Variants in HDAC4 observed in about 807,000 individuals in gnomAD.
HDAC4 encodes the protein histone deacetylase A.
In HDAC4, 16 loss-of-function variants were observed where a neutral mutation model predicts 135.1. The observed-to-expected ratio is 0.12, with a 90% CI of 0.08 to 0.18. The LOEUF (loss-of-function observed/expected upper bound fraction) is 0.18, where lower values mean the gene tolerates loss of function less well. Ranked by LOEUF, HDAC4 falls within the 10% of genes least tolerant of loss-of-function variation. HDAC4 has a pLI of 1.00. For synonymous variants in HDAC4, 685 were observed against 653.4 expected (o/e 1.05, Z -0.74); for missense variants, 1,143 against 1,511.8 (o/e 0.76, Z 4.05).
At chr2:239,153,287 G>C (rs2042224138) in intron 7 of HDAC4, among the ~76,000 whole-genome samples, 1 of 152,252 alleles carries the variant, frequency 6.6e-6, no homozygotes. Flanking sequence ...TTGCCCTTTA[G>C]AGATGCAGAA....
At chr2:239,385,868 C>T (rs531475569) in intron 1 of HDAC4, among the ~76,000 whole-genome samples, 35 of 152,292 alleles carry the variant, frequency 2.3e-4, no homozygotes, top group African/African-American at 7.9e-4. Flanking sequence ...CCCCGGAAAG[C>T]GGTCCAAGAC....
chr2:239,095,373 G>A (rs1426741026), intron 16 of HDAC4, among the ~76,000 whole-genome samples: 3 of 152,180 alleles, frequency 2.0e-5, no homozygotes, highest in East Asian at 1.9e-4. Context: ...CCTGGTGGGC[G>A]TCTGCCTGCA....
intron 6 of HDAC4, among the ~76,000 whole-genome samples, chr2:239,157,971 C>T (rs548204307): frequency 1.3e-5 from 2 of 152,316 alleles, no homozygotes; most frequent in East Asian, 3.9e-4. Context: ...CCAACCCCGC[C>T]CACTGCTCAG....
At chr2:239,345,756 ACCCC>A (rs199667023) in intron 2 of HDAC4, among the ~76,000 whole-genome samples, 2 of 147,952 alleles carry the variant, frequency 1.4e-5, no homozygotes, top group African/African-American at 5.1e-5. Flanking sequence ...AAACACACAC[ACCCC>A]CGTCTCACAC....
At chr2:239,387,777 G>A (rs977194135) in intron 1 of HDAC4, among the ~76,000 whole-genome samples, 4 of 152,148 alleles carry the variant, frequency 2.6e-5, no homozygotes, top group Admixed American at 2.0e-4. Flanking sequence ...CTAAAAAGCC[G>A]AGCTCCTCCT....
intron 8 of HDAC4, chr2:239,140,825 C>A: frequency 2.6e-6 from 1 of 378,976 alleles, no homozygotes; most frequent in Non-Finnish European, 5.7e-6. Flanking sequence ...TGCTTGCTGC[C>A]CGCGTCCTCC....
At chr2:239,251,260 A>C (rs772972328) in intron 2 of HDAC4, among the ~76,000 whole-genome samples, 2 of 152,264 alleles carry the variant, frequency 1.3e-5, no homozygotes, top group Non-Finnish European at 2.9e-5. Context: ...AGACACACAG[A>C]TGCCACCACA....
intron 3 of HDAC4, 130 bp from the exon 4 acceptor site, chr2:239,190,207 T>A (rs2044837847): frequency 2.5e-6 from 3 of 1,221,202 alleles, no homozygotes; most frequent in Non-Finnish European, 3.4e-6. Context: ...GAGGATTGGA[T>A]ACCCCTCTCC....
intron 2 of HDAC4, among the ~76,000 whole-genome samples, chr2:239,271,211 T>C (rs2050040914): frequency 6.6e-6 from 1 of 152,188 alleles, no homozygotes; most frequent in African/African-American, 2.4e-5. Flanking sequence ...CTTCCTGGGC[T>C]CAGGTGATCC....
chr2:239,162,371 G>C (rs1287364097), intron 6 of HDAC4: 1 of 455,940 alleles, frequency 2.2e-6, no homozygotes, highest in Admixed American at 2.3e-5. Context: ...GCCCTTTCCA[G>C]CTTGGGCCCC....
intron 2 of HDAC4, among the ~76,000 whole-genome samples, chr2:239,297,343 C>T (rs1035792098): frequency 1.3e-5 from 2 of 152,230 alleles, no homozygotes; most frequent in Non-Finnish European, 2.9e-5. Flanking sequence ...CATGCTGTCC[C>T]AGAGAGCAGC....
At chr2:239,195,385 A>G (rs2153057789) in intron 3 of HDAC4, among the ~76,000 whole-genome samples, 1 of 152,338 alleles carries the variant, frequency 6.6e-6, no homozygotes, top group African/African-American at 2.4e-5. Flanking sequence ...GAGCGTTCAC[A>G]GGGCAAGGAG....
chr2:239,264,051 G>C (rs2049554631), intron 2 of HDAC4, among the ~76,000 whole-genome samples: 1 of 151,780 alleles, frequency 6.6e-6, no homozygotes, highest in South Asian at 2.1e-4. Context: ...CTCAATGACT[G>C]AAAACAAAAG....
intron 2 of HDAC4, among the ~76,000 whole-genome samples, chr2:239,286,519 TGGGAAGGAA>T (rs140026266): frequency 0.066 from 9,976 of 151,918 alleles, 464 homozygotes; most frequent in Non-Finnish European, 0.096. Context: ...TCTGCAGGAC[TGGGAAGGAA>T]GGGAAGGAAG....
intron 18 of HDAC4, among the ~76,000 whole-genome samples, chr2:239,089,422 G>A: frequency 6.6e-6 from 1 of 152,204 alleles, no homozygotes; most frequent in East Asian, 1.9e-4. Context: ...CCACCTCCCA[G>A]GTTCAAGCGA....
At position 239,051,179 on chromosome 2, in the gene HDAC4, G is replaced by T. The variant is rs1336699323; in HGVS notation, c.*1918C>A. 1 of 152,548 alleles carries T rather than the reference G, an allele frequency of 6.6e-6. No individual in the cohort carries two copies. Among genetic ancestry groups the T allele is most frequent in the East Asian group, 1.9e-4 (1 of 5,184 alleles). 9.4% of individuals were successfully genotyped at this position (152,548 alleles called of 1,614,324 possible). ...AACCCTCCCTGCCCTTGCCACGGAG[G>T]GGAAAAACACACCACCCCTCGTAAT... On this transcript the variant is annotated 3_prime_UTR_variant, in exon 27 of 27. Transcript: ENST00000543185.
intron 2 of HDAC4, among the ~76,000 whole-genome samples, chr2:239,238,301 T>C (rs983919968): frequency 2.6e-5 from 4 of 152,234 alleles, no homozygotes; most frequent in African/African-American, 9.6e-5. Flanking sequence ...GGTGCCTGTA[T>C]GTATGTATGT....
In HDAC4 at chr2:239,264,453, C is replaced by T. The variant is rs567346389; in HGVS notation, c.23-27789G>A. Among the ~76,000 whole-genome samples, 9 of 152,330 alleles carry T rather than the reference C, an allele frequency of 5.9e-5. No individual in the cohort carries two copies. The South Asian group carries it at 6.2e-4, about 11-fold the overall frequency. On this transcript the variant is annotated intron_variant, in intron 2 of 26. Transcript: ENST00000543185. Reference sequence around the variant, plus strand: ...CTAATGTAAGACTACACATGAAGGTCGCTGGGCAGATGCAGCGGTTTATCT... The same window carrying T: ...CTAATGTAAGACTACACATGAAGGTTGCTGGGCAGATGCAGCGGTTTATCT...
intron 2 of HDAC4, among the ~76,000 whole-genome samples, chr2:239,325,364 C>A (rs1236266324): frequency 6.6e-6 from 1 of 152,144 alleles, no homozygotes; most frequent in Admixed American, 6.5e-5. Flanking sequence ...ACCCCTACAA[C>A]ACAACAACAA....
Sources: gnomAD v4.1 joint callset for allele counts (sites outside exome capture counted in the v4.1 genomes callset) on GRCh38, gnomAD v4.1.1 for gene constraint, MANE v1.5 for transcripts, NCBI Gene and HGNC (gene_info 2026-07-23, HGNC 2026-07-21) for gene names.